The following KCNIP4 variants were observed in gnomAD, a reference collection of about 807,000 sequenced individuals.
KCNIP4 encodes the protein potassium voltage-gated channel interacting protein 4.
Under a neutral mutation model 34.0 loss-of-function variants are expected in KCNIP4, and 12 were observed. The observed-to-expected ratio is 0.35, with a 90% CI of 0.23 to 0.57. The LOEUF (loss-of-function observed/expected upper bound fraction) is 0.57, where lower values mean the gene tolerates loss of function less well. KCNIP4 is among the 20% of genes least tolerant of loss of function. The pLI is 0.83. For synonymous variants in KCNIP4, 124 were observed against 102.2 expected (o/e 1.21, Z -1.29); for missense variants, 238 against 311.7 (o/e 0.76, Z 1.78).
intron 1 of KCNIP4, among the ~76,000 whole-genome samples, chr4:21,656,337 C>T (rs1747930826): frequency 6.6e-6 from 1 of 152,124 alleles, no homozygotes; most frequent in African/African-American, 2.4e-5. Flanking sequence ...GCAGTATGAC[C>T]TCATCTTAAC....
At position 21,114,727 on chromosome 4, in the gene KCNIP4, A is replaced by T. The variant is rs534820288; in HGVS notation, c.62-232018T>A. 7.9e-4 allele frequency among the ~76,000 whole-genome samples: 120 copies of T among 152,260 alleles called. 1 individual carries two copies. Among genetic ancestry groups the T allele is most frequent in the African/African-American group, 2.7e-3 (112 of 41,540 alleles). On this transcript the variant is annotated intron_variant, in intron 1 of 8. Coordinates refer to ENST00000382152, the MANE Select transcript of KCNIP4 (RefSeq NM_025221.6). ...CACATCACAATACTTTGAAACACAG[A>T]ATCATTAAATACCATCATTTTCCGA... is the stretch of plus-strand genomic sequence containing the variant.
intron 1 of KCNIP4, among the ~76,000 whole-genome samples, chr4:21,778,355 C>T (rs1253098466): frequency 1.3e-5 from 2 of 150,690 alleles, no homozygotes; most frequent in Non-Finnish European, 2.9e-5. Flanking sequence ...CCACTTCAGC[C>T]TCCTGAGTAG....
Position 21,651,265 on chromosome 4 carries a change from G to T in KCNIP4, c.61+297306C>A, listed in dbSNP as rs114439015. On this transcript the variant is annotated intron_variant, in intron 1 of 8. Coordinates refer to ENST00000382152, the MANE Select transcript of KCNIP4 (RefSeq NM_025221.6). Reference sequence around the variant, plus strand: ...CTGTCTACCACATAATTCTTGAAGGGAGTATCATAAAGCCAAGGCCTGAGG... The same window carrying T: ...CTGTCTACCACATAATTCTTGAAGGTAGTATCATAAAGCCAAGGCCTGAGG... Among the ~76,000 whole-genome samples the T allele has an allele frequency of 2.8e-3, 419 of 152,250 alleles. 2 individuals are homozygous for T. The highest frequency in any genetic ancestry group is 9.7e-3 in the African/African-American group (404 of 41,548).
intron 4 of KCNIP4, among the ~76,000 whole-genome samples, chr4:20,750,850 A>G (rs1399170310): frequency 6.6e-6 from 1 of 152,046 alleles, no homozygotes; most frequent in Non-Finnish European, 1.5e-5. Flanking sequence ...TCTGTTTTAA[A>G]TCTCATCTAT....
At chr4:21,722,373 A>C (rs2109097262) in intron 1 of KCNIP4, among the ~76,000 whole-genome samples, 1 of 152,256 alleles carries the variant, frequency 6.6e-6, no homozygotes, top group African/African-American at 2.4e-5. Flanking sequence ...GTTACTAAAA[A>C]GAATTTGCAA....
chr4:21,191,530 G>C (rs560329246), intron 1 of KCNIP4, among the ~76,000 whole-genome samples: 1 of 152,290 alleles, frequency 6.6e-6, no homozygotes, highest in South Asian at 2.1e-4. Context: ...ATGCGCCCTA[G>C]TGCTGAAAGA....
At chr4:21,199,078 G>A (rs979754883) in intron 1 of KCNIP4, among the ~76,000 whole-genome samples, 3 of 152,136 alleles carry the variant, frequency 2.0e-5, no homozygotes, top group Admixed American at 1.3e-4. Flanking sequence ...GTTCCTTTGG[G>A]TATATACCCA....
At chr4:21,402,123 C>T (rs2109556694) in intron 1 of KCNIP4, among the ~76,000 whole-genome samples, 1 of 152,310 alleles carries the variant, frequency 6.6e-6, no homozygotes. Context: ...TTATGGTAGA[C>T]ACATTCTTAA....
chr4:21,139,143 T>C (rs139671487), intron 1 of KCNIP4, among the ~76,000 whole-genome samples: 18 of 152,302 alleles, frequency 1.2e-4, no homozygotes, highest in African/African-American at 4.1e-4. Context: ...GAATCCCACA[T>C]CACACTAAGA....
At chr4:21,182,817 AT>A (rs1390908031) in intron 1 of KCNIP4, among the ~76,000 whole-genome samples, 30 of 152,238 alleles carry the variant, frequency 2.0e-4, no homozygotes, top group Admixed American at 1.8e-3. Flanking sequence ...ATACGTATGC[AT>A]CATGGAATGG....
intron 1 of KCNIP4, among the ~76,000 whole-genome samples, chr4:21,824,003 G>A (rs967246282): frequency 6.6e-6 from 1 of 152,238 alleles, no homozygotes; most frequent in East Asian, 1.9e-4. Flanking sequence ...AACAGAGAGT[G>A]GATAAGAGCT....
intron 1 of KCNIP4, among the ~76,000 whole-genome samples, chr4:21,012,453 G>A (rs11941207): frequency 0.016 from 2,410 of 152,184 alleles, 69 homozygotes; most frequent in African/African-American, 0.055. Flanking sequence ...ATGTGGTGGC[G>A]TGCATCTGTA....
intron 1 of KCNIP4, among the ~76,000 whole-genome samples, chr4:21,800,900 T>C (rs1720949880): frequency 6.6e-6 from 1 of 152,178 alleles, no homozygotes; most frequent in Non-Finnish European, 1.5e-5. Context: ...GAAAAAAGAT[T>C]ATGGTCATAA....
intron 1 of KCNIP4, among the ~76,000 whole-genome samples, chr4:21,946,602 C>G (rs1730524913): frequency 6.6e-6 from 1 of 152,158 alleles, no homozygotes; most frequent in Admixed American, 6.5e-5. Context: ...ATTTGGGGAT[C>G]ATTCTCTAAT....
intron 3 of KCNIP4, among the ~76,000 whole-genome samples, chr4:20,791,541 T>C (rs1377451959): frequency 6.6e-6 from 1 of 152,112 alleles, no homozygotes; most frequent in African/African-American, 2.4e-5. Flanking sequence ...GGAAGTACAC[T>C]CTTGTAAGAT....
chr4:21,254,497 A>G (rs565864837), intron 1 of KCNIP4, among the ~76,000 whole-genome samples: 1 of 152,302 alleles, frequency 6.6e-6, no homozygotes, highest in East Asian at 1.9e-4. Flanking sequence ...ATTTAAAATC[A>G]TTCCTCCAAG....
intron 1 of KCNIP4, among the ~76,000 whole-genome samples, chr4:21,608,402 A>C (rs1440967998): frequency 3.3e-5 from 5 of 152,210 alleles, no homozygotes; most frequent in Non-Finnish European, 7.3e-5. Flanking sequence ...ACTGAGATCC[A>C]CATTTCCTTG....
intron 1 of KCNIP4, among the ~76,000 whole-genome samples, chr4:21,433,996 C>T (rs73249583): frequency 0.033 from 5,094 of 152,166 alleles, 146 homozygotes; most frequent in Middle Eastern, 0.095. Context: ...ATTTTATAAT[C>T]GGTATTTTCT....
At chr4:21,107,667 A>G (rs1187372356) in intron 1 of KCNIP4, among the ~76,000 whole-genome samples, 1 of 151,128 alleles carries the variant, frequency 6.6e-6, no homozygotes, top group East Asian at 1.9e-4. Context: ...TATTTTGCTC[A>G]TTAGTTGATG....
Sources: gnomAD v4.1 joint callset for allele counts (sites outside exome capture counted in the v4.1 genomes callset) on GRCh38, gnomAD v4.1.1 for gene constraint, MANE v1.5 for transcripts, NCBI Gene and HGNC (gene_info 2026-07-23, HGNC 2026-07-21) for gene names.